Variants in NBAS observed in about 807,000 individuals in gnomAD.
NBAS encodes the protein NBAS subunit of NRZ tethering complex.
In NBAS, 219 loss-of-function variants were observed where a neutral mutation model predicts 302.5. That is an observed-to-expected ratio of 0.72 (90% CI 0.65 to 0.81). NBAS has a LOEUF of 0.81. Among genes scored for constraint, NBAS ranks in the 30% least tolerant of loss-of-function variants. NBAS has a pLI of 0.00. For missense variants in NBAS, 2,932 were observed against 2,841.6 expected (o/e 1.03, Z -0.72); for synonymous variants, 1,118 against 1,021.6 (o/e 1.09, Z -1.80).
intron 35 of NBAS, among the ~76,000 whole-genome samples, chr2:15,346,961 T>C (rs1247971708): frequency 6.6e-6 from 1 of 151,960 alleles, no homozygotes; most frequent in Non-Finnish European, 1.5e-5. Flanking sequence ...TGAGAACACA[T>C]GGACCCAGGG....
At chr2:14,902,031 T>C in the NBAS span, among the ~76,000 whole-genome samples, 2 of 152,252 alleles carry the variant, frequency 1.3e-5, no homozygotes, top group Non-Finnish European at 2.9e-5. Context: ...AGCTGTCTTG[T>C]GACTACCTCC....
chr2:15,282,976 C>T (rs754938390), intron 42 of NBAS, among the ~76,000 whole-genome samples: 1 of 152,072 alleles, frequency 6.6e-6, no homozygotes, highest in Non-Finnish European at 1.5e-5. Context: ...CCATCTACTT[C>T]GTGTGCATTT....
At chr2:15,190,523 C>T (rs1266364421) in intron 48 of NBAS, 120 bp from the exon 49 acceptor site, 2 of 1,222,692 alleles carry the variant, frequency 1.6e-6, no homozygotes, top group African/African-American at 3.1e-5. Context: ...TGTTAAGATT[C>T]AACATCAGAA....
At chr2:15,412,115 A>G (rs1676715938) in intron 25 of NBAS, among the ~76,000 whole-genome samples, 1 of 152,174 alleles carries the variant, frequency 6.6e-6, no homozygotes, top group Non-Finnish European at 1.5e-5. Flanking sequence ...GCACTAGTAT[A>G]AGTCTAAAGA....
At chr2:15,162,448 A>G (rs1663921869), downstream of NBAS, among the ~76,000 whole-genome samples, 1 of 152,212 alleles carries the variant, frequency 6.6e-6, no homozygotes, top group African/African-American at 2.4e-5. Context: ...CAACTCTGAC[A>G]GCCACCGGGG....
intron 35 of NBAS, among the ~76,000 whole-genome samples, chr2:15,337,233 A>G (rs189949643): frequency 5.5e-4 from 84 of 152,194 alleles, no homozygotes; most frequent in Non-Finnish European, 9.3e-4. Flanking sequence ...ATGAGGGAGG[A>G]CCACTTAAGC....
At chr2:15,341,828 T>G (rs1672867097) in intron 35 of NBAS, among the ~76,000 whole-genome samples, 1 of 152,112 alleles carries the variant, frequency 6.6e-6, no homozygotes, top group Non-Finnish European at 1.5e-5. Flanking sequence ...AGCATGACAA[T>G]GAGCAAAGTA....
At chr2:15,032,929 C>G in the NBAS span, among the ~76,000 whole-genome samples, 1 of 152,244 alleles carries the variant, frequency 6.6e-6, no homozygotes, top group Non-Finnish European at 1.5e-5. Flanking sequence ...ATGGCTATCT[C>G]TTTGATTTCA....
At chr2:15,006,662 A>C in the NBAS span, among the ~76,000 whole-genome samples, 1 of 152,210 alleles carries the variant, frequency 6.6e-6, no homozygotes, top group South Asian at 2.1e-4. Flanking sequence ...AATAAGCTTT[A>C]TTTAATACAT....
chr2:15,348,341 T>G (rs1205466473), intron 35 of NBAS, among the ~76,000 whole-genome samples: 1 of 152,110 alleles, frequency 6.6e-6, no homozygotes, highest in African/African-American at 2.4e-5. Flanking sequence ...CCTTGCTAAG[T>G]GGAACTTGTA....
chr2:15,547,956 G>A (rs968253937), intron 6 of NBAS, among the ~76,000 whole-genome samples: 2 of 152,052 alleles, frequency 1.3e-5, no homozygotes, highest in Admixed American at 1.3e-4. Flanking sequence ...CACCCTTATT[G>A]CTCTATTCAT....
At chr2:15,319,470 T>TA (rs1319416411) in intron 38 of NBAS, among the ~76,000 whole-genome samples, 3 of 151,166 alleles carry the variant, frequency 2.0e-5, no homozygotes, top group Non-Finnish European at 3.0e-5. Flanking sequence ...CTGGTTTTTT[T>TA]AAAAGATCAA....
chr2:15,466,745 C>G (rs983313369), intron 19 of NBAS, among the ~76,000 whole-genome samples: 24 of 152,084 alleles, frequency 1.6e-4, no homozygotes, highest in South Asian at 2.1e-4. Context: ...CAAAACCAGA[C>G]TGGGCAACAT....
intron 21 of NBAS, among the ~76,000 whole-genome samples, chr2:15,450,016 G>T (rs13411151): frequency 0.016 from 2,481 of 152,234 alleles, 21 homozygotes; most frequent in Non-Finnish European, 0.019. Context: ...AAAAGTAAAT[G>T]CAATGCCCTA....
chr2:15,057,622 T>C, the NBAS span, among the ~76,000 whole-genome samples: 1 of 152,186 alleles, frequency 6.6e-6, no homozygotes, highest in African/African-American at 2.4e-5. Flanking sequence ...TGATCATTCT[T>C]ATGCCTTTGC....
chr2:14,915,478 G>A, the NBAS span, among the ~76,000 whole-genome samples: 1 of 152,196 alleles, frequency 6.6e-6, no homozygotes, highest in Non-Finnish European at 1.5e-5. Flanking sequence ...TTGTGGGAGG[G>A]ACCCAGAGGG....
intron 9 of NBAS, among the ~76,000 whole-genome samples, chr2:15,516,041 G>A (rs964914141): frequency 1.3e-5 from 2 of 152,140 alleles, no homozygotes; most frequent in Admixed American, 6.5e-5. Flanking sequence ...TGTTTAAAAC[G>A]GACAAAACAA....
chr2:15,374,502 G>C, intron 31 of NBAS, 106 bp downstream of exon 31: 1 of 951,344 alleles, frequency 1.1e-6, no homozygotes, highest in East Asian at 2.4e-5. Flanking sequence ...ATTGCTAATG[G>C]ATTACATGAC....
the NBAS span, among the ~76,000 whole-genome samples, chr2:15,097,642 C>G: frequency 7.9e-5 from 12 of 151,712 alleles, 1 homozygote; most frequent in East Asian, 2.4e-3. Context: ...CAAAAGAGAG[C>G]AGGCGAGCTT....
Sources: allele counts gnomAD v4.1 joint callset (sites outside exome capture counted in the v4.1 genomes callset), GRCh38; gene constraint gnomAD v4.1.1; transcripts MANE v1.5; gene names NCBI Gene and HGNC (gene_info 2026-07-23, HGNC 2026-07-21).